Variants in SPINK1 observed in about 807,000 individuals in gnomAD.
SPINK1 encodes the protein serine protease inhibitor Kazal-type 1.
SPINK1 carries 5 observed loss-of-function variants against 9.5 expected under a neutral mutation model. The ratio of observed to expected loss-of-function variants is 0.52; its 90% CI spans 0.27 to 1.10. The LOEUF (loss-of-function observed/expected upper bound fraction) is 1.10. Ranked by LOEUF, SPINK1 falls within the 50% of genes least tolerant of loss-of-function variation. SPINK1 has a pLI of 0.11. For synonymous variants in SPINK1, 37 were observed against 32.3 expected (o/e 1.14, Z -0.49); for missense variants, 88 against 92.7 (o/e 0.95, Z 0.21).
At chr5:147,827,926 G>A (rs1343917233) in intron 3 of SPINK1, 96 bp downstream of exon 3, 11 of 885,338 alleles carry the variant, frequency 1.2e-5, no homozygotes, top group Non-Finnish European at 1.9e-5. Flanking sequence ...AAAGTAAATA[G>A]TTTGCTTTTC....
Position 147,828,108 on chromosome 5 carries a change from A to T in SPINK1, c.108T>A (p.Leu36=). The T allele has an allele frequency of 7.4e-6, 12 of 1,613,296 alleles. No homozygotes were observed. Among genetic ancestry groups the T allele is most frequent in the Non-Finnish European group, 1.0e-5 (12 of 1,179,682 alleles). Residue 36 remains leucine (L), a synonymous_variant, in exon 3 of 4, where the codon CTT becomes CTA. Coordinates refer to ENST00000296695, the MANE Select transcript of SPINK1 (RefSeq NM_001379610.1). ...LGREAKCYNE[L]NGCTKIYDPV... Reference sequence around the variant, plus strand: ...GGTCATATATCTTGGTGCATCCATTAAGTTCATTGTAACATTTGGCCTAAA... The same window carrying T: ...GGTCATATATCTTGGTGCATCCATTTAGTTCATTGTAACATTTGGCCTAAA...
intron 3 of SPINK1, 86 bp from the exon 4 acceptor site, chr5:147,824,792 C>T (rs1756370551): frequency 3.3e-6 from 4 of 1,220,602 alleles, no homozygotes; most frequent in Non-Finnish European, 4.8e-6. Flanking sequence ...GGAAAAATAA[C>T]AGCTTCATTT....
chr5:147,831,486 C>A, intron 1 of SPINK1, 37 bp downstream of exon 1: 1 of 1,611,944 alleles, frequency 6.2e-7, no homozygotes, highest in Non-Finnish European at 8.5e-7. Context: ...CAGGTCAAAA[C>A]AGTTTTATTT....
At chr5:147,831,403 C>T (rs867311835) in intron 1 of SPINK1, 120 bp downstream of exon 1, 1 of 1,294,216 alleles carries the variant, frequency 7.7e-7, no homozygotes, top group Non-Finnish European at 1.1e-6. Context: ...TATTTCATCT[C>T]ATTAGGTCCA....
upstream of SPINK1, among the ~76,000 whole-genome samples, chr5:147,835,058 G>A (rs1756573716): frequency 6.6e-6 from 1 of 151,908 alleles, no homozygotes; most frequent in Non-Finnish European, 1.5e-5. Context: ...ATGAATTCTA[G>A]TTAAAAACTG....
intron 2 of SPINK1, among the ~76,000 whole-genome samples, chr5:147,828,366 A>G (rs1428275566): frequency 6.6e-6 from 1 of 152,214 alleles, no homozygotes; most frequent in South Asian, 2.1e-4. Flanking sequence ...AAACTCAGTC[A>G]GTTCATCTGC....
In SPINK1 at chr5:147,831,617, C is replaced by T. The variant is rs560283989; in HGVS notation, c.-40G>A. ...GTCCAGAGGTCAGTTGAAAACTGCA[C>T]CGCACTTACCACGTCTCTTCAGAAG... is the stretch of plus-strand genomic sequence containing the variant. On this transcript the variant is annotated 5_prime_UTR_variant, in exon 1 of 4. In the 5' UTR this introduces an upstream ATG that the reference lacks. Coordinates refer to ENST00000296695, the MANE Select transcript of SPINK1 (RefSeq NM_001379610.1). The T allele has an allele frequency of 1.3e-5, 21 of 1,611,354 alleles. No individual in the cohort carries two copies. The South Asian group carries it at 2.0e-4, about 15-fold the overall frequency.
chr5:147,837,676 T>TCTTTCTTTCTTTCTTTCTTTCTTTCTTG, the SPINK1 span, among the ~76,000 whole-genome samples: 1 of 144,758 alleles, frequency 6.9e-6, no homozygotes, highest in Admixed American at 7.1e-5. Flanking sequence ...TTTCTTTCTT[T>TCTTTCTTTCTTTCTTTCTTTCTTTCTTG]CTTTCTTTCT....
intron 3 of SPINK1, among the ~76,000 whole-genome samples, chr5:147,826,622 A>G (rs1756409243): frequency 6.6e-6 from 1 of 152,152 alleles, no homozygotes; most frequent in African/African-American, 2.4e-5. Context: ...TGGAAATATG[A>G]TGTTTGAGCT....
In SPINK1 at chr5:147,831,627, C is replaced by T. The variant is rs780913633; in HGVS notation, c.-50G>A. On this transcript the variant is annotated 5_prime_UTR_variant, in exon 1 of 4. Transcript: ENST00000296695. ...CAGTTGAAAACTGCACCGCACTTAC[C>T]ACGTCTCTTCAGAAGCCTGGGACTG... 13 of 1,608,722 alleles carry T rather than the reference C, an allele frequency of 8.1e-6. No individual in the cohort carries two copies. The highest frequency in any genetic ancestry group is 1.1e-5 in the Non-Finnish European group (13 of 1,177,990).
upstream of SPINK1, among the ~76,000 whole-genome samples, chr5:147,836,294 ATTTG>A (rs1756593446): frequency 8.9e-6 from 1 of 111,774 alleles, no homozygotes; most frequent in Non-Finnish European, 1.7e-5. Flanking sequence ...GTATTTACTG[ATTTG>A]TGTGTGTGTG....
At chr5:147,838,959 G>A in the SPINK1 span, among the ~76,000 whole-genome samples, 1 of 151,994 alleles carries the variant, frequency 6.6e-6, no homozygotes, top group South Asian at 2.1e-4. Flanking sequence ...CACCAACACT[G>A]TGATCCCTGT....
the SPINK1 span, among the ~76,000 whole-genome samples, chr5:147,838,539 G>A: frequency 6.6e-6 from 1 of 152,114 alleles, no homozygotes; most frequent in East Asian, 1.9e-4. Context: ...TAGATGTGTT[G>A]TATATGTCTC....
chr5:147,831,489 T>G, intron 1 of SPINK1, 34 bp downstream of exon 1: 1 of 1,612,200 alleles, frequency 6.2e-7, no homozygotes, highest in African/African-American at 1.3e-5. Flanking sequence ...GTCAAAACAG[T>G]TTTATTTAAA....
chr5:147,831,866 T>G (rs572579612), upstream of SPINK1: 117 of 1,255,582 alleles, frequency 9.3e-5, 1 homozygote, highest in South Asian at 1.8e-3. Context: ...GATCCCTAAC[T>G]CCCTCTGTGG....
upstream of SPINK1, among the ~76,000 whole-genome samples, chr5:147,834,904 A>G (rs1756571157): frequency 6.6e-6 from 1 of 152,142 alleles, no homozygotes; most frequent in Non-Finnish European, 1.5e-5. Context: ...GTCTTATTAT[A>G]TGTGAGGACT....
At chr5:147,838,053 T>C in the SPINK1 span, among the ~76,000 whole-genome samples, 3 of 152,100 alleles carry the variant, frequency 2.0e-5, no homozygotes, top group Non-Finnish European at 2.9e-5. Context: ...GCCACCTGTC[T>C]TGGACCCACA....
chr5:147,825,435 CTTT>C (rs869284437), intron 3 of SPINK1, among the ~76,000 whole-genome samples: 1 of 107,424 alleles, frequency 9.3e-6, no homozygotes, highest in African/African-American at 2.8e-5. Context: ...TTTTTCTTTT[CTTT>C]TTTTCTTTTT....
chr5:147,832,658 T>C (rs1302723708), upstream of SPINK1, among the ~76,000 whole-genome samples: 1 of 152,150 alleles, frequency 6.6e-6, no homozygotes, highest in African/African-American at 2.4e-5. Context: ...GCCCCTTAAA[T>C]TGGCCTGTGG....
Sources: gnomAD v4.1 joint callset for allele counts (sites outside exome capture counted in the v4.1 genomes callset) on GRCh38, gnomAD v4.1.1 for gene constraint, MANE v1.5 for transcripts, NCBI Gene and HGNC (gene_info 2026-07-23, HGNC 2026-07-21) for gene names.